ITPR1: variants seen among roughly 807,000 people sequenced by gnomAD.
ITPR1 encodes inositol 1,4,5-trisphosphate receptor type 1, also known as inositol 1,4,5-trisphosphate-gated calcium channel ITPR1.
ITPR1 carries 96 observed loss-of-function variants against 318.4 expected under a neutral mutation model. The ratio of observed to expected loss-of-function variants is 0.30; its 90% CI spans 0.26 to 0.36. ITPR1 has a LOEUF of 0.36. Among genes scored for constraint, ITPR1 ranks in the 10% least tolerant of loss-of-function variants. ITPR1 has a pLI of 1.00. For missense variants in ITPR1, 2,440 were observed against 3,460.2 expected, an observed-to-expected ratio of 0.71 and a Z score of 7.40; for synonymous variants, 1,312 against 1,289.9, an observed-to-expected ratio of 1.02 and a Z score of -0.37.
chr3:4,703,584 G>A (rs555000712), intron 36 of ITPR1, among the ~76,000 whole-genome samples: 1 of 152,288 alleles, frequency 6.6e-6, no homozygotes, highest in East Asian at 1.9e-4. Flanking sequence ...AAGTTGAGAA[G>A]AGAGTTACCT....
chr3:4,738,019 A>G (rs2043400214), intron 44 of ITPR1, among the ~76,000 whole-genome samples: 1 of 152,182 alleles, frequency 6.6e-6, no homozygotes, highest in Non-Finnish European at 1.5e-5. Flanking sequence ...ACAGGAACAC[A>G]TGGACACTTA....
chr3:4,509,126 TA>T (rs1464649554), intron 2 of ITPR1, among the ~76,000 whole-genome samples: 5 of 152,228 alleles, frequency 3.3e-5, no homozygotes, highest in Non-Finnish European at 5.9e-5. Context: ...TTATTTGGTT[TA>T]CTCCTCACAA....
intron 2 of ITPR1, among the ~76,000 whole-genome samples, chr3:4,509,831 G>A (rs2081665627): frequency 6.6e-6 from 1 of 152,092 alleles, no homozygotes; most frequent in Non-Finnish European, 1.5e-5. Flanking sequence ...CTTCTAGGCA[G>A]CAGATACAAT....
intron 4 of ITPR1, among the ~76,000 whole-genome samples, chr3:4,592,758 G>C (rs1319475439): frequency 1.3e-5 from 2 of 152,146 alleles, no homozygotes; most frequent in Admixed American, 1.3e-4. Flanking sequence ...CTGTTTCTCA[G>C]CTGGTTAAAT....
rs772632331 is a variant in ITPR1 at position 4,516,458 on chromosome 3, A to G, written c.-16-18A>G. On this transcript the variant is annotated intron_variant, in intron 2 of 61. Coordinates refer to ENST00000649015, the MANE Select transcript of ITPR1 (RefSeq NM_001378452.1). ...ATTTCTTTTCTTCTAACAATGCTGC[A>G]TATTTTACTTTGTCTAGGATTTTCA... is the stretch of plus-strand genomic sequence containing the variant. 67 of 1,241,604 alleles carry G rather than the reference A, an allele frequency of 5.4e-5. No individual in the cohort carries two copies. The highest frequency in any genetic ancestry group is 7.3e-5 in the Non-Finnish European group (64 of 877,806). 76.9% of individuals were successfully genotyped at this position (1,241,604 alleles called of 1,614,324 possible). A position where few individuals can be genotyped will look rare whatever the true frequency, so the allele number is the denominator to read the frequency against.
chr3:4,820,029 A>C (rs1055105343), intron 60 of ITPR1, among the ~76,000 whole-genome samples: 1 of 152,136 alleles, frequency 6.6e-6, no homozygotes, highest in African/African-American at 2.4e-5. Context: ...GGTGCTGGTG[A>C]TTCTGGGAGC....
At chr3:4,605,782 G>A (rs765112144) in intron 4 of ITPR1, among the ~76,000 whole-genome samples, 20 of 152,116 alleles carry the variant, frequency 1.3e-4, no homozygotes, top group African/African-American at 1.7e-4. Flanking sequence ...AGCATCTATC[G>A]CTGAGGCCTA....
At chr3:4,756,078 T>G (rs868259302) in intron 44 of ITPR1, among the ~76,000 whole-genome samples, 9 of 152,322 alleles carry the variant, frequency 5.9e-5, no homozygotes, top group African/African-American at 1.7e-4. Context: ...GGTCCAATTC[T>G]GAATGCCCAT....
At chr3:4,648,238 T>C (rs2093510055) in intron 10 of ITPR1, among the ~76,000 whole-genome samples, 1 of 152,214 alleles carries the variant, frequency 6.6e-6, no homozygotes, top group Non-Finnish European at 1.5e-5. Flanking sequence ...ATAAAGTTTT[T>C]GTTAATTCCC....
chr3:4,683,117 T>C (rs968061063), intron 26 of ITPR1, among the ~76,000 whole-genome samples: 3 of 152,248 alleles, frequency 2.0e-5, no homozygotes, highest in Admixed American at 6.5e-5. Context: ...ACACCCTATG[T>C]AGATGTTGAG....
chr3:4,756,810 A>G (rs1251836631), intron 44 of ITPR1, among the ~76,000 whole-genome samples: 1 of 152,252 alleles, frequency 6.6e-6, no homozygotes, highest in East Asian at 1.9e-4. Flanking sequence ...TGCAAGTTGG[A>G]CACTAGTCTT....
intron 4 of ITPR1, among the ~76,000 whole-genome samples, chr3:4,594,223 C>A (rs1280129272): frequency 6.6e-6 from 1 of 152,152 alleles, no homozygotes; most frequent in Admixed American, 6.5e-5. Context: ...AGTTTTAGGT[C>A]AGGATAATAG....
chr3:4,657,272 T>C (rs2093731120), intron 12 of ITPR1, among the ~76,000 whole-genome samples: 1 of 152,182 alleles, frequency 6.6e-6, no homozygotes, highest in African/African-American at 2.4e-5. Flanking sequence ...CTATATCATA[T>C]TGTGAGTAGA....
rs2041287021 is a variant in ITPR1, at chr3:4,710,644, T to C, written c.4991+171T>C. 1.3e-5 allele frequency among the ~76,000 whole-genome samples: 2 copies of C among 152,250 alleles called. No homozygotes were observed. The highest frequency in any genetic ancestry group is 1.3e-4 in the Admixed American group (2 of 15,286). On this transcript the variant is annotated intron_variant, in intron 38 of 61. Transcript: ENST00000649015. The surrounding 1 kb of genome is among the most constrained non-coding windows in gnomAD (Gnocchi z 4.2). ...CAAAGTAAGTTTGTCTATTAAATCC[T>C]GCTTACTGACACTTTTTTGTTTTGT...
intron 4 of ITPR1, among the ~76,000 whole-genome samples, chr3:4,530,756 G>T (rs1463674041): frequency 6.7e-6 from 1 of 150,234 alleles, no homozygotes; most frequent in African/African-American, 2.5e-5. Flanking sequence ...ACTCCAGCCT[G>T]GGCAACAGAG....
intron 60 of ITPR1, among the ~76,000 whole-genome samples, chr3:4,818,447 G>A (rs1207946660): frequency 6.6e-6 from 1 of 152,114 alleles, no homozygotes; most frequent in East Asian, 1.9e-4. Flanking sequence ...GGTGGTATTG[G>A]CCTGTGTTAG....
At chr3:4,494,762 A>G (rs2080420366) in intron 2 of ITPR1, among the ~76,000 whole-genome samples, 1 of 152,208 alleles carries the variant, frequency 6.6e-6, no homozygotes. Flanking sequence ...AGGCCATTAA[A>G]TGGAGCAATA....
chr3:4,656,099 A>C (rs957480439), intron 12 of ITPR1, among the ~76,000 whole-genome samples: 9 of 152,162 alleles, frequency 5.9e-5, no homozygotes, highest in African/African-American at 9.7e-5. Context: ...CCAGAGGGAG[A>C]AAAAGGACCA....
intron 53 of ITPR1, 162 bp from the exon 54 acceptor site, chr3:4,800,263 T>G (rs911262238): frequency 1.6e-6 from 1 of 606,188 alleles, no homozygotes; most frequent in African/African-American, 1.9e-5. Context: ...CAAAAAATGC[T>G]GATGGGACTG....
Sources: gnomAD v4.1 joint callset for allele counts (sites outside exome capture counted in the v4.1 genomes callset) on GRCh38, gnomAD v4.1.1 for gene constraint, Gnocchi (gnomAD v3.1) non-coding constraint, MANE v1.5 for transcripts, NCBI Gene and HGNC (gene_info 2026-07-23, HGNC 2026-07-21) for gene names.